NR2C2: variants seen among roughly 807,000 people sequenced by gnomAD.
The protein encoded by NR2C2 is nuclear receptor subfamily 2 group C member 2, also known as Nuclear hormone receptor TR4.
Under a neutral mutation model 62.9 loss-of-function variants are expected in NR2C2, and 6 were observed. That is an observed-to-expected ratio of 0.10 (90% CI 0.05 to 0.19). The LOEUF is 0.19. Among genes scored for constraint, NR2C2 ranks in the 10% least tolerant of loss-of-function variants. The pLI is 1.00. For synonymous variants in NR2C2, 272 were observed against 273.8 expected, an observed-to-expected ratio of 0.99 and a Z score of 0.07; for missense variants, 479 against 762.7, an observed-to-expected ratio of 0.63 and a Z score of 4.38.
intron 1 of NR2C2, among the ~76,000 whole-genome samples, chr3:14,976,039 G>T (rs1327463554): frequency 6.6e-6 from 1 of 152,114 alleles, no homozygotes; most frequent in Non-Finnish European, 1.5e-5. Context: ...CTTCCAAAGT[G>T]CTGGGATTAC....
intron 3 of NR2C2, among the ~76,000 whole-genome samples, chr3:15,015,824 T>C (rs1266711445): frequency 6.6e-6 from 1 of 152,172 alleles, no homozygotes; most frequent in African/African-American, 2.4e-5. Context: ...GTTTTTGAGA[T>C]GGGGTCTCAC....
intron 1 of NR2C2, among the ~76,000 whole-genome samples, chr3:14,983,220 A>G (rs1370485312): frequency 6.6e-6 from 1 of 151,828 alleles, no homozygotes; most frequent in Non-Finnish European, 1.5e-5. Flanking sequence ...GTATCTAACT[A>G]TATTTTGTAC....
rs191744193 is a variant in NR2C2 at position 14,976,716 on chromosome 3, A to G, written c.-39-27160A>G. ...TATGTCTGAACATATTTTCATTTAC[A>G]TTACATGGCTAATTGATAGTTTGAT... is the stretch of plus-strand genomic sequence containing the variant. On this transcript the variant is annotated intron_variant, in intron 1 of 13. Coordinates refer to ENST00000425241, the MANE Select transcript of NR2C2 (RefSeq NM_001291694.2). 2.0e-5 allele frequency among the ~76,000 whole-genome samples: 3 copies of G among 148,506 alleles called. No homozygotes were observed. The East Asian group carries it at 5.9e-4, about 29-fold the overall frequency.
intron 5 of NR2C2, among the ~76,000 whole-genome samples, chr3:15,021,644 A>G (rs1046180677): frequency 6.6e-6 from 1 of 152,214 alleles, no homozygotes; most frequent in Non-Finnish European, 1.5e-5. Context: ...CACAGTAGGA[A>G]AATGGAGCTT....
chr3:15,021,013 C>A, intron 5 of NR2C2, 81 bp downstream of exon 5: 1 of 1,365,424 alleles, frequency 7.3e-7, no homozygotes. Flanking sequence ...GTTTCTATAC[C>A]TGGCCTTAAA....
rs116024372 is a variant in NR2C2, at chr3:14,975,203, A to G, written c.-40+27297A>G. On this transcript the variant is annotated intron_variant, in intron 1 of 13. Coordinates refer to ENST00000425241, the MANE Select transcript of NR2C2 (RefSeq NM_001291694.2). The stretch of plus-strand genomic sequence containing the variant: ...ATAATTTTACTTCTTTCTTTCCTCT[A>G]TGGATGCCTTTTATTTTTCTTGACT... 4.8e-3 allele frequency among the ~76,000 whole-genome samples: 727 copies of G among 152,230 alleles called. 2 individuals carry two copies. The highest frequency in any genetic ancestry group is 0.017 in the African/African-American group (693 of 41,530).
At chr3:14,950,628 C>T (rs13097015) in intron 1 of NR2C2, among the ~76,000 whole-genome samples, 16,793 of 143,434 alleles carry the variant, frequency 0.12, 1,076 homozygotes, top group Middle Eastern at 0.2. Context: ...TCTTTTTATT[C>T]TTTTCTTTAT....
chr3:14,998,699 G>A (rs1297464067), intron 1 of NR2C2, among the ~76,000 whole-genome samples: 2 of 151,876 alleles, frequency 1.3e-5, no homozygotes, highest in Non-Finnish European at 2.9e-5. Flanking sequence ...CCTTGATGGT[G>A]TCTTTTGAAA....
chr3:14,970,073 A>G (rs909647716), intron 1 of NR2C2, among the ~76,000 whole-genome samples: 6 of 152,158 alleles, frequency 3.9e-5, no homozygotes, highest in Non-Finnish European at 1.5e-5. Flanking sequence ...CATACATTTA[A>G]AAGTTGACCA....
chr3:15,004,756 C>T lies in NR2C2; in HGVS notation c.72+770C>T, dbSNP rs952587688. On this transcript the variant is annotated intron_variant, in intron 2 of 13. Transcript: ENST00000425241. ...TCTGTTTTTCTTCTTGCAGTTTTAT[C>T]AGTTTTTTTGGCTCACTTTGATGCT... is the stretch of plus-strand genomic sequence containing the variant. 4.8e-6 allele frequency: 5 copies of T among 1,038,966 alleles called. No individual in the cohort carries two copies. In the South Asian group the frequency reaches 5.6e-5, roughly 12 times the overall value. The allele number at this position is 1,038,966 out of a possible 1,614,324, so 64.4% of individuals were successfully genotyped here.
chr3:15,004,586 T>C, intron 2 of NR2C2: 1 of 1,613,000 alleles, frequency 6.2e-7, no homozygotes. Flanking sequence ...GCCCATTGAG[T>C]GTTTTCACAT....
At chr3:15,018,006 G>A (rs528735638) in intron 4 of NR2C2, among the ~76,000 whole-genome samples, 37 of 152,204 alleles carry the variant, frequency 2.4e-4, no homozygotes, top group Admixed American at 8.5e-4. Flanking sequence ...AGGAGGGGCC[G>A]CTTTTTTTTT....
chr3:15,015,048 A>G (rs184180838), intron 3 of NR2C2, among the ~76,000 whole-genome samples: 61 of 152,294 alleles, frequency 4.0e-4, no homozygotes, highest in Non-Finnish European at 6.5e-4. Flanking sequence ...TAGACACCTT[A>G]CGCTACACTT....
chr3:14,984,974 TC>T (rs1459254946), intron 1 of NR2C2, among the ~76,000 whole-genome samples: 1 of 152,158 alleles, frequency 6.6e-6, no homozygotes, highest in Non-Finnish European at 1.5e-5. Flanking sequence ...TCTTAGGCAT[TC>T]TAATAGATGT....
chr3:15,024,159 A>G lies in NR2C2; in HGVS notation c.749A>G (p.Gln250Arg), dbSNP rs2041756470. The stretch of plus-strand genomic sequence containing the variant: ...CCAGGGATGCTTGTGAACATCCAGC[A>G]GCCTTTGATACGTGAGGATGGTACA... ...LDPGMLVNIQ[Q>R]PLIREDGTVL... Residue 250 changes from glutamine to arginine, a missense_variant, in exon 7 of 14, where the codon CAG becomes CGG. Physicochemically the swap from Gln to Arg is conservative, Grantham distance 43. Coordinates refer to ENST00000425241, the MANE Select transcript of NR2C2 (RefSeq NM_001291694.2). 1.2e-6 allele frequency: 2 copies of G among 1,612,980 alleles called. No homozygotes were observed. Among genetic ancestry groups the G allele is most frequent in the Non-Finnish European group, 8.5e-7 (1 of 1,179,568 alleles).
At chr3:15,012,232 T>C (rs2041375890) in intron 2 of NR2C2, among the ~76,000 whole-genome samples, 1 of 149,134 alleles carries the variant, frequency 6.7e-6, no homozygotes, top group African/African-American at 2.4e-5. Flanking sequence ...TTCCATTTCT[T>C]TTTTTTTTTT....
At chr3:15,019,904 T>G (rs2125014771) in intron 4 of NR2C2, among the ~76,000 whole-genome samples, 1 of 152,296 alleles carries the variant, frequency 6.6e-6, no homozygotes, top group Middle Eastern at 3.4e-3. Flanking sequence ...AAGAAAGGGT[T>G]TTGAATGTCC....
At chr3:14,948,452 T>G (rs1031226797) in intron 1 of NR2C2, 3 of 152,238 alleles carry the variant, frequency 2.0e-5, no homozygotes, top group Non-Finnish European at 2.9e-5. Flanking sequence ...GGCGCCCAGA[T>G]AGGAGGGCCG....
intron 1 of NR2C2, among the ~76,000 whole-genome samples, chr3:14,999,312 G>A (rs542417607): frequency 5.3e-5 from 8 of 152,200 alleles, no homozygotes; most frequent in South Asian, 4.1e-4. Flanking sequence ...GTGAAACTCC[G>A]TCTCAAAAAC....
Sources: allele counts gnomAD v4.1 joint callset (sites outside exome capture counted in the v4.1 genomes callset), GRCh38; gene constraint gnomAD v4.1.1; transcripts MANE v1.5; gene names NCBI Gene and HGNC (gene_info 2026-07-23, HGNC 2026-07-21).